PRR13: variants seen among roughly 807,000 people sequenced by gnomAD.
PRR13 encodes the protein proline rich 13.
A neutral mutation model predicts 11.5 loss-of-function variants in PRR13; 7 were observed. That is an observed-to-expected ratio of 0.61 (90% CI 0.34 to 1.14). PRR13 has a LOEUF of 1.14. PRR13 is among the 50% of genes most tolerant of loss of function. The pLI is 0.03. For synonymous variants in PRR13, 53 were observed against 67.8 expected, an observed-to-expected ratio of 0.78 and a Z score of 1.07; for missense variants, 155 against 194.4, an observed-to-expected ratio of 0.80 and a Z score of 1.21.
At chr12:53,445,360 A>G (rs905798126) in intron 3 of PRR13, among the ~76,000 whole-genome samples, 82 of 149,744 alleles carry the variant, frequency 5.5e-4, no homozygotes, top group African/African-American at 2.0e-3. Flanking sequence ...AAAAAAAAAA[A>G]AAAAGGTCTG....
chr12:53,444,344 T>C (rs1940359148), intron 3 of PRR13, among the ~76,000 whole-genome samples: 1 of 151,628 alleles, frequency 6.6e-6, no homozygotes, highest in Non-Finnish European at 1.5e-5. Flanking sequence ...TTTTTTTTTT[T>C]TTTGAGACGG....
intron 3 of PRR13, among the ~76,000 whole-genome samples, chr12:53,445,346 T>TAAAAAAA (rs4020479): frequency 2.8e-5 from 3 of 106,640 alleles, no homozygotes; most frequent in African/African-American, 9.1e-5. Flanking sequence ...AAACTCCGTC[T>TAAAAAAA]AAAAAAAAAA....
rs757147201 is a variant in PRR13, at chr12:53,443,869, G to C, written c.402+96G>C. 1.5e-5 allele frequency: 20 copies of C among 1,370,870 alleles called. No individual in the cohort carries two copies. In the East Asian group the frequency reaches 5.0e-4, roughly 35 times the overall value. The allele number at this position is 1,370,870 out of a possible 1,614,324, so 84.9% of individuals were successfully genotyped here. On this transcript the variant is annotated intron_variant, in intron 3 of 3. Coordinates refer to ENST00000429243, the MANE Select transcript of PRR13 (RefSeq NM_018457.4). Reference sequence around the variant, plus strand: ...TGAGGGGGATTCACATTCTGTGGACGTGAGGGATGACAATTGTGTCGCTCT... The same window carrying C: ...TGAGGGGGATTCACATTCTGTGGACCTGAGGGATGACAATTGTGTCGCTCT...
At chr12:53,443,931 T>C in intron 3 of PRR13, 158 bp downstream of exon 3, 1 of 913,432 alleles carries the variant, frequency 1.1e-6, no homozygotes, top group Non-Finnish European at 1.6e-6. Flanking sequence ...AGATTGCTAC[T>C]GGGAAGAATC....
intron 3 of PRR13, 26 bp downstream of exon 3, chr12:53,443,799 G>T: frequency 1.3e-6 from 2 of 1,572,512 alleles, no homozygotes; most frequent in Non-Finnish European, 1.7e-6. Context: ...AGACTGGCTA[G>T]GGAAGGAGTC....
intron 3 of PRR13, 107 bp from the exon 4 acceptor site, chr12:53,445,908 G>A: frequency 6.5e-7 from 1 of 1,544,102 alleles, no homozygotes; most frequent in Non-Finnish European, 8.9e-7. Flanking sequence ...GGGAAGCAAG[G>A]GATACTTGGG....
Position 53,443,505 on chromosome 12 carries a change from C to A in PRR13, c.134C>A (p.Pro45Gln). 1 of 1,480,812 alleles carries A rather than the reference C, an allele frequency of 6.8e-7. No individual in the cohort carries two copies. Among genetic ancestry groups the A allele is most frequent in the Non-Finnish European group, 9.0e-7 (1 of 1,109,364 alleles). 91.7% of individuals were successfully genotyped at this position (1,480,812 alleles called of 1,614,324 possible). Residue 45 changes from proline to glutamine, a missense_variant, in exon 3 of 4, where the codon CCA (proline) becomes CAA (glutamine). Coordinates refer to ENST00000429243, the MANE Select transcript of PRR13 (RefSeq NM_018457.4). ...CCCCCAGGCCCCTGTCCTCCTCCCC[C>A]AGGAGCTCCCCATGGCAATCCAGCT... Reference protein sequence around the residue: ...PFPPGPCPPPPGAPHGNPAFP... With the variant: ...PFPPGPCPPPQGAPHGNPAFP...
intron 3 of PRR13, among the ~76,000 whole-genome samples, chr12:53,445,216 T>C (rs779106632): frequency 6.6e-6 from 1 of 151,366 alleles, no homozygotes; most frequent in Non-Finnish European, 1.5e-5. Flanking sequence ...GGCATGGTGG[T>C]GCGTGTCTGT....
In PRR13 at chr12:53,445,886, C is replaced by T. The variant is rs374669242; in HGVS notation, c.403-129C>T. The T allele has an allele frequency of 5.0e-6, 7 of 1,391,330 alleles. No individual in the cohort carries two copies. In the African/African-American group the frequency reaches 8.6e-5, roughly 17 times the overall value. The allele number at this position is 1,391,330 out of a possible 1,614,324, so 86.2% of individuals were successfully genotyped here. On this transcript the variant is annotated intron_variant, in intron 3 of 3. Transcript: ENST00000429243. ...TTTAGGTACAGTCTGTTCAAGACTC[C>T]TGACCTTCTTAGGGAAGCAAGGGAT...
Position 53,443,506 on chromosome 12 carries a change from A to T in PRR13, c.135A>T (p.Pro45=), listed in dbSNP as rs1212598681. Residue 45 remains proline, a synonymous_variant, in exon 3 of 4, where the codon CCA becomes CCT. Coordinates refer to ENST00000429243, the MANE Select transcript of PRR13 (RefSeq NM_018457.4). ...PFPPGPCPPP[P]GAPHGNPAFP... is the part of the protein sequence containing the mutation. ...CCCCAGGCCCCTGTCCTCCTCCCCC[A>T]GGAGCTCCCCATGGCAATCCAGCTT... is the stretch of plus-strand genomic sequence containing the variant. 2 of 1,387,362 alleles carry T rather than the reference A, an allele frequency of 1.4e-6. No individual in the cohort carries two copies. The highest frequency in any genetic ancestry group is 3.3e-5 in the African/African-American group (2 of 61,112). 85.9% of individuals were successfully genotyped at this position (1,387,362 alleles called of 1,614,324 possible).
At chr12:53,443,809 C>G (rs1287837152) in intron 3 of PRR13, 36 bp downstream of exon 3, 2 of 1,560,776 alleles carry the variant, frequency 1.3e-6, no homozygotes, top group Non-Finnish European at 1.7e-6. Flanking sequence ...GGGAAGGAGT[C>G]CCCCCTCAGA....
At chr12:53,443,076 C>G in intron 2 of PRR13, 1 of 375,246 alleles carries the variant, frequency 2.7e-6, no homozygotes, top group Non-Finnish European at 4.7e-6. Context: ...AGGCTGGTCT[C>G]AAACTCATGG....
intron 3 of PRR13, among the ~76,000 whole-genome samples, chr12:53,444,522 G>A (rs1294118033): frequency 1.3e-5 from 2 of 152,092 alleles, no homozygotes; most frequent in African/African-American, 4.8e-5. Context: ...GTAGAGATGG[G>A]GTTTCACCGT....
intron 1 of PRR13, 106 bp downstream of exon 1, chr12:53,441,898 G>A (rs1940299540): frequency 2.9e-6 from 2 of 693,946 alleles, no homozygotes; most frequent in Admixed American, 4.2e-5. Context: ...TTTCTTTTTT[G>A]GAGGAAGGGG....
chr12:53,445,080 C>T lies in PRR13; in HGVS notation c.403-935C>T, dbSNP rs188221493. Among the ~76,000 whole-genome samples, 522 of 152,086 alleles carry T rather than the reference C, an allele frequency of 3.4e-3. 4 individuals are homozygous for T. Among genetic ancestry groups the T allele is most frequent in the Middle Eastern group, 0.031 (9 of 294 alleles). ...GAAATCTGAAGAGAAGGCTGTGCGCCGTGGTCCACACCTGTAATCCCAGCA... is the reference window on the plus strand; with the variant it reads ...GAAATCTGAAGAGAAGGCTGTGCGCTGTGGTCCACACCTGTAATCCCAGCA... On this transcript the variant is annotated intron_variant, in intron 3 of 3. Transcript: ENST00000429243.
At position 53,443,388 on chromosome 12, in the gene PRR13, C is replaced by G. The variant is rs1940334277; in HGVS notation, c.20-3C>G. On this transcript the variant is annotated splice_region_variant and splice_polypyrimidine_tract_variant and intron_variant, in intron 2 of 3. Coordinates refer to ENST00000429243, the MANE Select transcript of PRR13 (RefSeq NM_018457.4). ...AATGTTTATTCTCTGCTTCTTCCACCAGGGCAGCCAGGGCCAAATCCATAT... is the reference window on the plus strand; with the variant it reads ...AATGTTTATTCTCTGCTTCTTCCACGAGGGCAGCCAGGGCCAAATCCATAT... The G allele has an allele frequency of 2.9e-6, 4 of 1,393,242 alleles. No homozygotes were observed. The highest frequency in any genetic ancestry group is 3.8e-6 in the Non-Finnish European group (4 of 1,065,418). 86.3% of individuals were successfully genotyped at this position (1,393,242 alleles called of 1,614,324 possible). A position where few individuals can be genotyped will look rare whatever the true frequency, so the allele number is the denominator to read the frequency against.
rs1251000100 is a variant in PRR13, at chr12:53,441,763, A to T, written c.-50A>T. The T allele has an allele frequency of 7.1e-6, 5 of 702,144 alleles. No individual in the cohort carries two copies. The highest frequency in any genetic ancestry group is 1.3e-5 in the Non-Finnish European group (5 of 384,790). 43.5% of individuals were successfully genotyped at this position (702,144 alleles called of 1,614,324 possible). A position where few individuals can be genotyped will look rare whatever the true frequency, so the allele number is the denominator to read the frequency against. ...AGGAAGAGCCGAGACTGCGAAGGAGAACGCAGCAAGCCCAGGCGGCGGTGG... is the reference window on the plus strand; with the variant it reads ...AGGAAGAGCCGAGACTGCGAAGGAGTACGCAGCAAGCCCAGGCGGCGGTGG... On this transcript the variant is annotated 5_prime_UTR_variant, in exon 1 of 4. Transcript: ENST00000429243.
chr12:53,444,656 GGC>G (rs1940367039), intron 3 of PRR13, among the ~76,000 whole-genome samples: 1 of 152,236 alleles, frequency 6.6e-6, no homozygotes, highest in South Asian at 2.1e-4. Context: ...TCAGCTCCAA[GGC>G]TAAGTATCTT....
At chr12:53,445,274 G>A (rs900838289) in intron 3 of PRR13, among the ~76,000 whole-genome samples, 3 of 151,214 alleles carry the variant, frequency 2.0e-5, no homozygotes, top group African/African-American at 7.3e-5. Flanking sequence ...CTTAAACCCA[G>A]GAAGTGGAGG....
Sources: gnomAD v4.1 joint callset for allele counts (sites outside exome capture counted in the v4.1 genomes callset) on GRCh38, gnomAD v4.1.1 for gene constraint, MANE v1.5 for transcripts, NCBI Gene and HGNC (gene_info 2026-07-23, HGNC 2026-07-21) for gene names.